Variants in CDH4 observed in about 807,000 individuals in gnomAD.
The protein encoded by CDH4 is cadherin 4.
Under a neutral mutation model 86.0 loss-of-function variants are expected in CDH4, and 33 were observed. The ratio of observed to expected loss-of-function variants is 0.38; its 90% CI spans 0.29 to 0.51. CDH4 has a LOEUF of 0.51. CDH4 is among the 20% of genes least tolerant of loss of function. The probability of loss-of-function intolerance (pLI) is 0.86; values close to 1 mark genes in which losing one functional copy is unlikely to be tolerated. For missense variants in CDH4, 1,114 were observed against 1,307.4 expected (o/e 0.85, Z 2.28); for synonymous variants, 555 against 549.4 (o/e 1.01, Z -0.14).
intron 14 of CDH4, among the ~76,000 whole-genome samples, 184 bp from the exon 15 acceptor site, chr20:61,933,872 G>A (rs1225760440): frequency 2.6e-5 from 4 of 152,216 alleles, no homozygotes; most frequent in Non-Finnish European, 5.9e-5. Flanking sequence ...GGGGTAAAGG[G>A]CAAGGAGGTG....
intron 6 of CDH4, among the ~76,000 whole-genome samples, 195 bp from the exon 7 acceptor site, chr20:61,873,533 C>T (rs1279205891): frequency 6.6e-6 from 1 of 152,266 alleles, no homozygotes; most frequent in African/African-American, 2.4e-5. Context: ...TAGAAGAAAT[C>T]CTTCTATGAT....
In CDH4 at chr20:61,261,714, C is replaced by T. The variant is rs2084128475; in HGVS notation, c.169+6777C>T. Among the ~76,000 whole-genome samples the T allele has an allele frequency of 2.0e-5, 3 of 152,194 alleles. No individual in the cohort carries two copies. In the South Asian group the frequency reaches 6.2e-4, roughly 32 times the overall value. On this transcript the variant is annotated intron_variant, in intron 2 of 15. Coordinates refer to ENST00000614565, the MANE Select transcript of CDH4 (RefSeq NM_001794.5). ...CACCACTGTCACGTGCAGACAGGAT[C>T]GGACCCAGATGTTCAGGGCCACAGC...
chr20:61,575,791 G>A (rs1054104612), intron 2 of CDH4, among the ~76,000 whole-genome samples: 8 of 152,240 alleles, frequency 5.3e-5, no homozygotes, highest in Non-Finnish European at 1.0e-4. Context: ...GCCAACTCCT[G>A]CTGAGCAGCA....
chr20:61,277,422 G>A (rs557591426), intron 2 of CDH4, among the ~76,000 whole-genome samples: 4 of 152,294 alleles, frequency 2.6e-5, no homozygotes, highest in South Asian at 2.1e-4. Context: ...TGTGAGGGGT[G>A]TGTATGATGG....
rs939705876 is a variant in CDH4, at chr20:61,879,602, C to T, written c.1050+5702C>T. Among the ~76,000 whole-genome samples the T allele has an allele frequency of 6.6e-6, 1 of 152,160 alleles. No homozygotes were observed. The highest frequency in any genetic ancestry group is 1.5e-5 in the Non-Finnish European group (1 of 68,032). On this transcript the variant is annotated intron_variant, in intron 7 of 15. Transcript: ENST00000614565. This position sits in a 1 kb window ranked among gnomAD's most constrained non-coding sequence, Gnocchi z 4.1. ...AGGAGAGGCTTCGATAAGACCTGAG[C>T]GGTTCAAGTGTCTCTCGTGTACCAG...
intron 2 of CDH4, among the ~76,000 whole-genome samples, chr20:61,564,908 C>T (rs1234891575): frequency 6.6e-6 from 1 of 152,192 alleles, no homozygotes; most frequent in African/African-American, 2.4e-5. Context: ...ATTCACTCCA[C>T]TTGGTTTTCG....
At chr20:61,277,935 G>A (rs541821619) in intron 2 of CDH4, among the ~76,000 whole-genome samples, 1 of 152,358 alleles carries the variant, frequency 6.6e-6, no homozygotes, top group Non-Finnish European at 1.5e-5. Flanking sequence ...GGTGGGTGCC[G>A]ATCGGGCCTA....
intron 2 of CDH4, among the ~76,000 whole-genome samples, chr20:61,624,093 TGTGAA>T (rs1367880441): frequency 6.6e-6 from 1 of 152,186 alleles, no homozygotes; most frequent in East Asian, 1.9e-4. Flanking sequence ...TTTCCTCATC[TGTGAA>T]GTGAAGTGAG....
intron 2 of CDH4, among the ~76,000 whole-genome samples, chr20:61,715,639 A>T (rs2087944468): frequency 6.6e-6 from 1 of 152,144 alleles, no homozygotes; most frequent in Non-Finnish European, 1.5e-5. Flanking sequence ...GCACCTTTTA[A>T]ATTTGCCTCT....
At chr20:61,769,595 G>A (rs908081294) in intron 3 of CDH4, among the ~76,000 whole-genome samples, 6 of 152,178 alleles carry the variant, frequency 3.9e-5, no homozygotes, top group African/African-American at 1.4e-4. Context: ...CACTCCTGGC[G>A]TCCGAATCCT....
chr20:61,515,331 G>A (rs963480401), intron 2 of CDH4, among the ~76,000 whole-genome samples: 7 of 152,182 alleles, frequency 4.6e-5, no homozygotes, highest in Non-Finnish European at 1.0e-4. Context: ...TGTCAGAAAG[G>A]ACGCCGCAGT....
chr20:61,899,510 C>T (rs1447981809), intron 8 of CDH4, among the ~76,000 whole-genome samples: 2 of 152,144 alleles, frequency 1.3e-5, no homozygotes, highest in African/African-American at 4.8e-5. Context: ...TCACTGCAAC[C>T]TCCGCCTCCT....
intron 2 of CDH4, among the ~76,000 whole-genome samples, chr20:61,296,571 G>T (rs927525018): frequency 6.6e-6 from 1 of 152,020 alleles, no homozygotes; most frequent in Non-Finnish European, 1.5e-5. Context: ...ACAGAAATCA[G>T]TGTTTTGCAG....
At chr20:61,760,144 T>C (rs1387248412) in intron 3 of CDH4, among the ~76,000 whole-genome samples, 1 of 143,182 alleles carries the variant, frequency 7.0e-6, no homozygotes, top group Non-Finnish European at 1.5e-5. Context: ...TCTTCGCTTT[T>C]GGTGGGAGGC....
At chr20:61,866,831 CA>C (rs916611871) in intron 6 of CDH4, among the ~76,000 whole-genome samples, 5 of 152,108 alleles carry the variant, frequency 3.3e-5, no homozygotes, top group African/African-American at 1.2e-4. Flanking sequence ...CTGAACGTAG[CA>C]AAAAGAAAAA....
chr20:61,491,971 G>A (rs1462359669), intron 2 of CDH4, among the ~76,000 whole-genome samples: 1 of 151,908 alleles, frequency 6.6e-6, no homozygotes, highest in Admixed American at 6.6e-5. Context: ...GATGTAAGTG[G>A]TGTCAGTATT....
rs542019857 is a variant in CDH4 at position 61,328,898 on chromosome 20, A to C, written c.169+73961A>C. Among the ~76,000 whole-genome samples the C allele has an allele frequency of 5.9e-5, 9 of 152,350 alleles. No homozygotes were observed. In the South Asian group the frequency reaches 1.9e-3, roughly 32 times the overall value. On this transcript the variant is annotated intron_variant, in intron 2 of 15. Transcript: ENST00000614565. Reference sequence around the variant, plus strand: ...AACTCCCATTGTACAGATGCTCCTTAATTTACAGCCCAATAAACCCATTGC... The same window carrying C: ...AACTCCCATTGTACAGATGCTCCTTCATTTACAGCCCAATAAACCCATTGC...
intron 2 of CDH4, among the ~76,000 whole-genome samples, chr20:61,277,317 G>C (rs1308877533): frequency 6.6e-6 from 1 of 152,170 alleles, no homozygotes. Flanking sequence ...ATGATATAAT[G>C]TTTTTGTACT....
intron 4 of CDH4, among the ~76,000 whole-genome samples, chr20:61,805,145 A>C (rs1488943658): frequency 6.6e-6 from 1 of 152,200 alleles, no homozygotes; most frequent in African/African-American, 2.4e-5. Context: ...TCATATGCCC[A>C]GCCGGAAGCC....
Sources: allele counts gnomAD v4.1 joint callset (sites outside exome capture counted in the v4.1 genomes callset), GRCh38; gene constraint gnomAD v4.1.1; non-coding constraint Gnocchi (gnomAD v3.1); transcripts MANE v1.5; gene names NCBI Gene and HGNC (gene_info 2026-07-23, HGNC 2026-07-21).